Variants in MED12L observed in about 807,000 individuals in gnomAD.
The protein encoded by MED12L is mediator of RNA polymerase II transcription subunit 12-like protein.
In MED12L, 60 loss-of-function variants were observed where a neutral mutation model predicts 281.3. The observed-to-expected ratio is 0.21, with a 90% CI of 0.17 to 0.26. MED12L has a LOEUF of 0.26. Ranked by LOEUF, MED12L falls within the 10% of genes least tolerant of loss-of-function variation. MED12L has a pLI of 1.00. For missense variants in MED12L, 2,146 were observed against 2,680.9 expected (o/e 0.80, Z 4.41); for synonymous variants, 974 against 987.2 (o/e 0.99, Z 0.25).
chr3:151,314,520 A>G (rs1202111184), intron 16 of MED12L, among the ~76,000 whole-genome samples: 1 of 152,224 alleles, frequency 6.6e-6, no homozygotes, highest in East Asian at 1.9e-4. Context: ...TGGCACTTGT[A>G]TTAATACTTG....
chr3:151,249,307 A>G (rs777982698), intron 16 of MED12L, among the ~76,000 whole-genome samples: 6 of 152,150 alleles, frequency 3.9e-5, no homozygotes, highest in Non-Finnish European at 5.9e-5. Flanking sequence ...TAGCTTCTGT[A>G]TTTATTGGGA....
chr3:151,433,668 G>T lies in MED12L; in HGVS notation c.*864G>T. 1 of 152,398 alleles carries T rather than the reference G, an allele frequency of 6.6e-6. No homozygotes were observed. Among genetic ancestry groups the T allele is most frequent in the East Asian group, 1.9e-4 (1 of 5,198 alleles). 9.4% of individuals were successfully genotyped at this position (152,398 alleles called of 1,614,324 possible). The stretch of plus-strand genomic sequence containing the variant: ...CTCCTGAACCTTATGCCACCTTAAG[G>T]GGAAAAAAAAATCCAGTAGCTGGCT... On this transcript the variant is annotated 3_prime_UTR_variant, in exon 45 of 45. Transcript: ENST00000687756.
intron 16 of MED12L, among the ~76,000 whole-genome samples, chr3:151,346,263 C>G (rs1055533273): frequency 1.3e-5 from 2 of 152,110 alleles, no homozygotes; most frequent in African/African-American, 4.8e-5. Flanking sequence ...TCTCTTATAT[C>G]CTTTATCATC....
chr3:151,270,889 G>A (rs1372832833), intron 16 of MED12L, among the ~76,000 whole-genome samples: 1 of 151,936 alleles, frequency 6.6e-6, no homozygotes. Flanking sequence ...TTGTACTTTT[G>A]TACCTGTCTA....
At chr3:151,335,044 C>A (rs558606011) in intron 16 of MED12L, among the ~76,000 whole-genome samples, 1 of 152,090 alleles carries the variant, frequency 6.6e-6, no homozygotes, top group South Asian at 2.1e-4. Context: ...AAGGGGTACA[C>A]GTGATATTTC....
intron 5 of MED12L, among the ~76,000 whole-genome samples, chr3:151,141,732 G>C (rs1560088590): frequency 6.6e-6 from 1 of 152,106 alleles, no homozygotes; most frequent in Non-Finnish European, 1.5e-5. Flanking sequence ...CTTCCTCTTT[G>C]GCAACTTATG....
At chr3:151,324,949 T>C (rs1475099197) in intron 16 of MED12L, among the ~76,000 whole-genome samples, 2 of 152,214 alleles carry the variant, frequency 1.3e-5, no homozygotes, top group Non-Finnish European at 2.9e-5. Flanking sequence ...GACTTTGGGT[T>C]TTTTTGCTCT....
intron 16 of MED12L, among the ~76,000 whole-genome samples, chr3:151,312,629 C>T (rs1288620202): frequency 6.6e-6 from 1 of 152,138 alleles, no homozygotes; most frequent in African/African-American, 2.4e-5. Flanking sequence ...AGGGCAAAAC[C>T]CTTTCTGGGA....
chr3:151,320,417 C>T (rs937746248), intron 16 of MED12L, among the ~76,000 whole-genome samples: 2 of 152,122 alleles, frequency 1.3e-5, no homozygotes, highest in African/African-American at 2.4e-5. Context: ...AAACCTTTGC[C>T]CAAGTCTTAC....
intron 32 of MED12L, among the ~76,000 whole-genome samples, chr3:151,380,878 C>T (rs948505850): frequency 3.9e-5 from 6 of 152,186 alleles, no homozygotes; most frequent in Admixed American, 2.6e-4. Context: ...TCCAGCTCCT[C>T]AAGCTTGGAT....
chr3:151,154,466 C>T (rs920564485), intron 5 of MED12L, among the ~76,000 whole-genome samples: 10 of 151,982 alleles, frequency 6.6e-5, no homozygotes, highest in African/African-American at 2.4e-4. Flanking sequence ...TTCATGTCTG[C>T]AGTATAAATT....
chr3:151,101,716 A>G (rs1207982506), intron 2 of MED12L, among the ~76,000 whole-genome samples: 2 of 149,324 alleles, frequency 1.3e-5, no homozygotes, highest in Non-Finnish European at 3.0e-5. Context: ...GGGGTGGGGG[A>G]TGGTGGTGAG....
chr3:151,294,222 G>C, intron 16 of MED12L: 10 of 1,613,174 alleles, frequency 6.2e-6, no homozygotes, highest in Non-Finnish European at 8.5e-6. Flanking sequence ...CTCACACTTT[G>C]CAGTGATCTG....
At chr3:151,152,084 G>GTTT (rs1277015023) in intron 5 of MED12L, among the ~76,000 whole-genome samples, 5 of 110,862 alleles carry the variant, frequency 4.5e-5, no homozygotes, top group East Asian at 3.0e-4. Context: ...AGTTGAAGGT[G>GTTT]GTTTTTTTTT....
At chr3:151,227,656 T>C (rs986012588) in intron 16 of MED12L, among the ~76,000 whole-genome samples, 1 of 152,180 alleles carries the variant, frequency 6.6e-6, no homozygotes, top group Non-Finnish European at 1.5e-5. Context: ...CTCCAATGGA[T>C]ACATAGTCAT....
intron 16 of MED12L, chr3:151,317,019 C>T (rs1748346243): frequency 6.6e-6 from 1 of 152,126 alleles, no homozygotes; most frequent in South Asian, 2.1e-4. Flanking sequence ...GGCCTACTAA[C>T]TCATCAGATC....
chr3:151,124,158 AT>A (rs1714160879), intron 4 of MED12L, among the ~76,000 whole-genome samples: 1 of 152,194 alleles, frequency 6.6e-6, no homozygotes, highest in African/African-American at 2.4e-5. Context: ...CCAGCCTGAC[AT>A]CTTTCCATTT....
In MED12L at chr3:151,351,608, T is replaced by C. The variant is rs555700540; in HGVS notation, c.2398+1402T>C. On this transcript the variant is annotated intron_variant, in intron 17 of 44. Coordinates refer to ENST00000687756, the MANE Select transcript of MED12L (RefSeq NM_001393769.1). ...AGAGGAAACAGTTGCATTTAGAAGA[T>C]TGAATTTAGAAGCCCTGAAACTAGC... is the stretch of plus-strand genomic sequence containing the variant. Among the ~76,000 whole-genome samples the C allele has an allele frequency of 5.9e-5, 9 of 152,316 alleles. No individual in the cohort carries two copies. The South Asian group carries it at 1.4e-3, about 25-fold the overall frequency.
chr3:151,199,358 A>G (rs1725194240), intron 16 of MED12L: 1 of 1,612,362 alleles, frequency 6.2e-7, no homozygotes, highest in Non-Finnish European at 8.5e-7. Context: ...ATCTTTATAA[A>G]CTGGGCAGAA....
Sources: gnomAD v4.1 joint callset for allele counts (sites outside exome capture counted in the v4.1 genomes callset) on GRCh38, gnomAD v4.1.1 for gene constraint, MANE v1.5 for transcripts, NCBI Gene and HGNC (gene_info 2026-07-23, HGNC 2026-07-21) for gene names.